Variants in PTPRD observed in about 807,000 individuals in gnomAD.
The protein encoded by PTPRD is protein tyrosine phosphatase receptor type D.
PTPRD carries 34 observed loss-of-function variants against 214.5 expected under a neutral mutation model. That is an observed-to-expected ratio of 0.16 (90% CI 0.12 to 0.21). The LOEUF is 0.21. Ranked by LOEUF, PTPRD falls within the 10% of genes least tolerant of loss-of-function variation. The pLI, the probability that PTPRD is intolerant of heterozygous loss-of-function variation, is 1.00. For missense variants in PTPRD, 2,545 were observed against 2,398.7 expected (o/e 1.06, Z -1.27); for synonymous variants, 1,128 against 845.7 (o/e 1.33, Z -5.79).
intron 2 of PTPRD, among the ~76,000 whole-genome samples, chr9:10,572,872 C>T (rs2067925552): frequency 6.6e-6 from 1 of 151,740 alleles, no homozygotes; most frequent in Non-Finnish European, 1.5e-5. Flanking sequence ...TGCCCCGTTT[C>T]TTTTTTTTAT....
chr9:9,255,601 C>G (rs115952431), intron 9 of PTPRD, among the ~76,000 whole-genome samples: 2,215 of 152,084 alleles, frequency 0.015, 49 homozygotes, highest in African/African-American at 0.041. Context: ...TGTTCACACT[C>G]CCTCTCAGCA....
chr9:10,133,888 T>C (rs1373684100), intron 3 of PTPRD, among the ~76,000 whole-genome samples: 5 of 152,208 alleles, frequency 3.3e-5, no homozygotes, highest in Non-Finnish European at 5.9e-5. Flanking sequence ...TAAAATGTGG[T>C]GAGTTTAACT....
At chr9:9,926,268 T>C (rs1034067564) in intron 5 of PTPRD, among the ~76,000 whole-genome samples, 2 of 152,136 alleles carry the variant, frequency 1.3e-5, no homozygotes, top group African/African-American at 4.8e-5. Flanking sequence ...AACTGTATGG[T>C]AGTGTTAATC....
At chr9:9,332,980 G>C (rs929730259) in intron 9 of PTPRD, among the ~76,000 whole-genome samples, 1 of 151,984 alleles carries the variant, frequency 6.6e-6, no homozygotes, top group Admixed American at 6.6e-5. Context: ...TAAAGTGATT[G>C]TTAGATATTT....
chr9:8,791,558 T>C (rs567622913), intron 11 of PTPRD, among the ~76,000 whole-genome samples: 1 of 136,100 alleles, frequency 7.3e-6, no homozygotes, highest in African/African-American at 2.8e-5. Flanking sequence ...GACAGAGTCC[T>C]GCTCTGTCTT....
In PTPRD at chr9:8,808,394, C is replaced by T. The variant is rs141530038; in HGVS notation, c.-103-74448G>A. 1.9e-4 allele frequency among the ~76,000 whole-genome samples: 28 copies of T among 150,876 alleles called. No homozygotes were observed. In the East Asian group the frequency reaches 4.3e-3, roughly 23 times the overall value. On this transcript the variant is annotated intron_variant, in intron 11 of 45. Coordinates refer to ENST00000381196, the MANE Select transcript of PTPRD (RefSeq NM_002839.4). ...TAAGCTAACCCCACATTCACTAACTCTAAAATGATTCTGATGAAACACCAA... is the reference window on the plus strand; with the variant it reads ...TAAGCTAACCCCACATTCACTAACTTTAAAATGATTCTGATGAAACACCAA...
At chr9:9,944,516 T>C (rs1272550730) in intron 4 of PTPRD, among the ~76,000 whole-genome samples, 1 of 151,998 alleles carries the variant, frequency 6.6e-6, no homozygotes, top group South Asian at 2.1e-4. Context: ...AATAAAAAGA[T>C]TTTTTTAATA....
chr9:10,276,842 T>C (rs1414634679), intron 3 of PTPRD, among the ~76,000 whole-genome samples: 1 of 152,226 alleles, frequency 6.6e-6, no homozygotes, highest in African/African-American at 2.4e-5. Flanking sequence ...TTAGAGTTGT[T>C]GGCCAGATCA....
Position 10,454,208 on chromosome 9 carries a change from T to G in PTPRD, c.-599-113191A>C, listed in dbSNP as rs139322210. 3.3e-5 allele frequency among the ~76,000 whole-genome samples: 5 copies of G among 151,664 alleles called. No individual in the cohort carries two copies. In the East Asian group the frequency reaches 9.7e-4, roughly 29 times the overall value. On this transcript the variant is annotated intron_variant, in intron 2 of 45. Coordinates refer to ENST00000381196, the MANE Select transcript of PTPRD (RefSeq NM_002839.4). ...ATTTCCATTTTATCATTTCAGCTAG[T>G]TATTGTTTAATTACAAAGGCCACAT...
chr9:9,889,345 T>C (rs2072315180), intron 5 of PTPRD, among the ~76,000 whole-genome samples: 1 of 152,128 alleles, frequency 6.6e-6, no homozygotes, highest in Non-Finnish European at 1.5e-5. Flanking sequence ...ACAATGTATA[T>C]ATGCTTCAAA....
intron 9 of PTPRD, among the ~76,000 whole-genome samples, chr9:9,208,414 A>C (rs1396974136): frequency 3.9e-5 from 6 of 152,004 alleles, no homozygotes; most frequent in African/African-American, 1.5e-4. Flanking sequence ...GATACAAAAT[A>C]AATAAATGAA....
At chr9:10,552,424 T>A (rs998815390) in intron 2 of PTPRD, among the ~76,000 whole-genome samples, 10 of 152,182 alleles carry the variant, frequency 6.6e-5, no homozygotes, top group Non-Finnish European at 1.5e-5. Flanking sequence ...AACTCCATCA[T>A]GCTCTTGACC....
chr9:9,700,896 G>C (rs1312359799), intron 7 of PTPRD, among the ~76,000 whole-genome samples: 1 of 152,070 alleles, frequency 6.6e-6, no homozygotes, highest in Non-Finnish European at 1.5e-5. Flanking sequence ...CTAACAGAAA[G>C]TTACAGATGT....
chr9:10,573,145 C>A (rs1242978132), intron 2 of PTPRD, among the ~76,000 whole-genome samples: 3 of 152,070 alleles, frequency 2.0e-5, no homozygotes, highest in Non-Finnish European at 2.9e-5. Flanking sequence ...ACACCTCCCC[C>A]ACAAAAATAG....
rs528950040 is a variant in PTPRD at position 10,575,182 on chromosome 9, T to C, written c.-600+37216A>G. 2.6e-5 allele frequency among the ~76,000 whole-genome samples: 4 copies of C among 152,110 alleles called. No homozygotes were observed. The South Asian group carries it at 8.3e-4, about 32-fold the overall frequency. On this transcript the variant is annotated intron_variant, in intron 2 of 45. Transcript: ENST00000381196. ...TTGACACTGTAGACATCAACAAAAATAGGTAGGTCCTTTCAAAGATTAGTA... is the reference window on the plus strand; with the variant it reads ...TTGACACTGTAGACATCAACAAAAACAGGTAGGTCCTTTCAAAGATTAGTA...
At chr9:9,154,694 C>T (rs1402677625) in intron 10 of PTPRD, among the ~76,000 whole-genome samples, 1 of 152,016 alleles carries the variant, frequency 6.6e-6, no homozygotes, top group African/African-American at 2.4e-5. Flanking sequence ...AGCCTGTGTC[C>T]CAGCTCTTTG....
At chr9:9,830,017 T>C (rs951029275) in intron 5 of PTPRD, among the ~76,000 whole-genome samples, 3 of 151,898 alleles carry the variant, frequency 2.0e-5, no homozygotes, top group South Asian at 2.1e-4. Context: ...AATAGTTCCA[T>C]GTGGTATCAA....
chr9:10,503,203 A>AAC lies in PTPRD; in HGVS notation c.-600+109194_-600+109195insGT, dbSNP rs1555437259. Among the ~76,000 whole-genome samples, 477 of 133,908 alleles carry AAC rather than the reference A, an allele frequency of 3.6e-3. 10 individuals carry two copies. Among genetic ancestry groups the AAC allele is most frequent in the African/African-American group, 0.015 (454 of 30,694 alleles). 87.8% of individuals were successfully genotyped at this position (133,908 alleles called of 152,430 possible). ...GACACAGCTGCAATACAAAAAAAAA[A>AAC]AAAACAAAAAAAAACACCATTTTTT... On this transcript the variant is annotated intron_variant, in intron 2 of 45. Coordinates refer to ENST00000381196, the MANE Select transcript of PTPRD (RefSeq NM_002839.4).
At chr9:9,736,240 T>C (rs1279669622) in intron 6 of PTPRD, among the ~76,000 whole-genome samples, 2 of 152,090 alleles carry the variant, frequency 1.3e-5, no homozygotes, top group Admixed American at 1.3e-4. Flanking sequence ...TTGTCCAGCC[T>C]ATGGTTCTAA....
Sources: gnomAD v4.1 joint callset for allele counts (sites outside exome capture counted in the v4.1 genomes callset) on GRCh38, gnomAD v4.1.1 for gene constraint, MANE v1.5 for transcripts, NCBI Gene and HGNC (gene_info 2026-07-23, HGNC 2026-07-21) for gene names.